SLCO4C1: variants seen among roughly 807,000 people sequenced by gnomAD.
SLCO4C1 encodes the protein organic anion transporter M1.
A neutral mutation model predicts 72.1 loss-of-function variants in SLCO4C1; 58 were observed. The ratio of observed to expected loss-of-function variants is 0.80; its 90% CI spans 0.65 to 1.00. The LOEUF is 1.00. Ranked by LOEUF, SLCO4C1 falls within the 50% of genes least tolerant of loss-of-function variation. SLCO4C1 has a pLI of 0.00. For synonymous variants in SLCO4C1, 297 were observed against 312.5 expected, an observed-to-expected ratio of 0.95 and a Z score of 0.52; for missense variants, 898 against 857.9, an observed-to-expected ratio of 1.05 and a Z score of -0.58.
chr5:102,246,217 A>G (rs1748633426), intron 10 of SLCO4C1, among the ~76,000 whole-genome samples: 1 of 152,068 alleles, frequency 6.6e-6, no homozygotes. Flanking sequence ...AGAAAACAAT[A>G]CCAATGATCA....
intron 2 of SLCO4C1, among the ~76,000 whole-genome samples, chr5:102,289,851 T>A (rs527786299): frequency 6.6e-6 from 1 of 152,328 alleles, no homozygotes; most frequent in South Asian, 2.1e-4. Context: ...CTATTTTTAC[T>A]TCTAAAATGA....
intron 8 of SLCO4C1, among the ~76,000 whole-genome samples, chr5:102,255,191 T>G (rs905358373): frequency 2.1e-4 from 32 of 152,194 alleles, no homozygotes; most frequent in Non-Finnish European, 7.4e-5. Context: ...CATGTATGTG[T>G]ATTAAACACT....
intron 8 of SLCO4C1, among the ~76,000 whole-genome samples, chr5:102,252,724 T>C (rs898020076): frequency 5.3e-5 from 8 of 152,164 alleles, no homozygotes; most frequent in African/African-American, 1.9e-4. Flanking sequence ...TTATATTCCT[T>C]AATATCAAGG....
At chr5:102,265,342 T>G (rs1749017402) in intron 3 of SLCO4C1, among the ~76,000 whole-genome samples, 1 of 152,146 alleles carries the variant, frequency 6.6e-6, no homozygotes, top group South Asian at 2.1e-4. Context: ...ATTTGTCTAA[T>G]TTTGTTTTCG....
intron 2 of SLCO4C1, among the ~76,000 whole-genome samples, chr5:102,271,056 A>G (rs375268803): frequency 6.6e-6 from 1 of 152,044 alleles, no homozygotes; most frequent in Non-Finnish European, 1.5e-5. Context: ...CACTGTCAAC[A>G]GTTCTTTTCA....
intron 1 of SLCO4C1, among the ~76,000 whole-genome samples, chr5:102,294,836 G>A (rs1749618727): frequency 6.6e-6 from 1 of 152,146 alleles, no homozygotes; most frequent in Non-Finnish European, 1.5e-5. Context: ...AGTATACTTA[G>A]GCTTTGACTT....
chr5:102,277,405 A>G (rs991213528), intron 2 of SLCO4C1, among the ~76,000 whole-genome samples: 2 of 152,060 alleles, frequency 1.3e-5, no homozygotes, highest in Non-Finnish European at 2.9e-5. Context: ...TTCCAGCTCT[A>G]TGTAGCAACA....
At chr5:102,262,317 T>G (rs1479801115) in intron 4 of SLCO4C1, among the ~76,000 whole-genome samples, 1 of 152,174 alleles carries the variant, frequency 6.6e-6, no homozygotes, top group Admixed American at 6.6e-5. Context: ...TATGTAGAAT[T>G]TCTCAACATT....
intron 3 of SLCO4C1, among the ~76,000 whole-genome samples, chr5:102,264,063 A>G (rs1338975807): frequency 6.6e-6 from 1 of 152,122 alleles, no homozygotes; most frequent in Non-Finnish European, 1.5e-5. Context: ...TAGTATATCT[A>G]CCATTTATCC....
intron 3 of SLCO4C1, among the ~76,000 whole-genome samples, chr5:102,267,530 G>C (rs1749062922): frequency 1.4e-5 from 2 of 147,376 alleles, no homozygotes; most frequent in South Asian, 2.1e-4. Flanking sequence ...CTAGCAAATG[G>C]CTTTATTTTA....
In SLCO4C1 at chr5:102,247,103, C is replaced by T. The variant is rs376749042; in HGVS notation, c.1811+149G>A. On this transcript the variant is annotated intron_variant, in intron 10 of 12. Coordinates refer to ENST00000310954, the MANE Select transcript of SLCO4C1 (RefSeq NM_180991.5). ...CTACATCTGGGGTTCTACAGAGGAG[C>T]TTGTCCAATGCCACAGAACTAATGA... is the stretch of plus-strand genomic sequence containing the variant. The T allele has an allele frequency of 2.8e-4, 135 of 474,700 alleles. No homozygotes were observed. In the Middle Eastern group the frequency reaches 5.3e-3, roughly 18 times the overall value. The allele number at this position is 474,700 out of a possible 1,614,324, so 29.4% of individuals were successfully genotyped here. A position where few individuals can be genotyped will look rare whatever the true frequency, so the allele number is the denominator to read the frequency against.
intron 8 of SLCO4C1, among the ~76,000 whole-genome samples, chr5:102,254,734 T>A (rs778076935): frequency 6.6e-5 from 10 of 152,236 alleles, no homozygotes; most frequent in Non-Finnish European, 1.5e-4. Context: ...CATTGTACAT[T>A]GCTTTTCTAG....
chr5:102,260,177 A>G (rs1748909100), intron 6 of SLCO4C1, 36 bp downstream of exon 6: 2 of 635,306 alleles, frequency 3.1e-6, no homozygotes, highest in Non-Finnish European at 4.3e-6. Flanking sequence ...TGTGTGTATG[A>G]GACTGAGAGA....
chr5:102,274,111 T>C (rs1749202818), intron 2 of SLCO4C1, among the ~76,000 whole-genome samples: 1 of 152,182 alleles, frequency 6.6e-6, no homozygotes, highest in Admixed American at 6.5e-5. Flanking sequence ...TAGGAGGATG[T>C]AGGTAGATTG....
intron 3 of SLCO4C1, among the ~76,000 whole-genome samples, chr5:102,264,230 C>G (rs1382870252): frequency 1.3e-5 from 2 of 152,074 alleles, no homozygotes; most frequent in African/African-American, 4.8e-5. Context: ...GCTGATCAGT[C>G]TATTTCTTAA....
In SLCO4C1 at chr5:102,235,578, G is replaced by C. The variant is rs1047496881; in HGVS notation, c.*1280C>G. ...AAGCAGGGGTCCCCAGCCCTGGGCTGTGTGTGGCCTGTTAGGAATCGGGCC... is the reference window on the plus strand; with the variant it reads ...AAGCAGGGGTCCCCAGCCCTGGGCTCTGTGTGGCCTGTTAGGAATCGGGCC... On this transcript the variant is annotated 3_prime_UTR_variant, in exon 13 of 13. Coordinates refer to ENST00000310954, the MANE Select transcript of SLCO4C1 (RefSeq NM_180991.5). 6.6e-6 allele frequency: 1 copy of C among 152,276 alleles called. No homozygotes were observed. Among genetic ancestry groups the C allele is most frequent in the Non-Finnish European group, 1.5e-5 (1 of 68,056 alleles). 9.4% of individuals were successfully genotyped at this position (152,276 alleles called of 1,614,324 possible).
intron 1 of SLCO4C1, among the ~76,000 whole-genome samples, chr5:102,295,278 G>A (rs889840764): frequency 1.3e-5 from 2 of 152,188 alleles, no homozygotes; most frequent in African/African-American, 4.8e-5. Flanking sequence ...CAAAACAGAT[G>A]CTGGATAACT....
In SLCO4C1 at chr5:102,235,788, G is replaced by A. The variant is rs1287553122; in HGVS notation, c.*1070C>T. ...CTAATGCCTGATGGTCTGAGGTGGA[G>A]CAGTTTCATCTCAAAACCATACCTT... is the stretch of plus-strand genomic sequence containing the variant. On this transcript the variant is annotated 3_prime_UTR_variant, in exon 13 of 13. Transcript: ENST00000310954. 1.3e-5 allele frequency: 2 copies of A among 152,252 alleles called. No individual in the cohort carries two copies. Among genetic ancestry groups the A allele is most frequent in the Non-Finnish European group, 2.9e-5 (2 of 68,058 alleles). The allele number at this position is 152,252 out of a possible 1,614,324, so 9.4% of individuals were successfully genotyped here. A position where few individuals can be genotyped will look rare whatever the true frequency, so the allele number is the denominator to read the frequency against.
chr5:102,236,599 T>TGTGTTC lies in SLCO4C1; in HGVS notation c.*253_*258dup, dbSNP rs906507439. ...ATGTGTGCGTGTGTGTGTGTGTGTG[T>TGTGTTC]GTGTTCGTGTGTGTGTGTGTGTGTG... On this transcript the variant is annotated 3_prime_UTR_variant, in exon 13 of 13. Transcript: ENST00000310954. The TGTGTTC allele has an allele frequency of 3.8e-5, 13 of 345,156 alleles. No individual in the cohort carries two copies. Among genetic ancestry groups the TGTGTTC allele is most frequent in the Non-Finnish European group, 6.7e-5 (13 of 193,012 alleles). 21.4% of individuals were successfully genotyped at this position (345,156 alleles called of 1,614,324 possible). A position where few individuals can be genotyped will look rare whatever the true frequency, so the allele number is the denominator to read the frequency against.
Sources: gnomAD v4.1 joint callset for allele counts (sites outside exome capture counted in the v4.1 genomes callset) on GRCh38, gnomAD v4.1.1 for gene constraint, MANE v1.5 for transcripts, NCBI Gene and HGNC (gene_info 2026-07-23, HGNC 2026-07-21) for gene names.